The following VEPH1 variants were observed in gnomAD, a reference collection of about 807,000 sequenced individuals.
The protein encoded by VEPH1 is ventricular zone-expressed PH domain-containing protein homolog 1.
VEPH1 carries 80 observed loss-of-function variants against 85.2 expected under a neutral mutation model. The ratio of observed to expected loss-of-function variants is 0.94; its 90% CI spans 0.78 to 1.13. The LOEUF (loss-of-function observed/expected upper bound fraction) is 1.13, where lower values mean the gene tolerates loss of function less well. Among genes scored for constraint, VEPH1 ranks in the 50% most tolerant of loss-of-function variants. The pLI, the probability that VEPH1 is intolerant of heterozygous loss-of-function variation, is 0.00. For synonymous variants in VEPH1, 297 were observed against 348.0 expected (o/e 0.85, Z 1.63); for missense variants, 955 against 980.5 (o/e 0.97, Z 0.35).
At chr3:157,341,670 G>C (rs1451992470) in intron 9 of VEPH1, among the ~76,000 whole-genome samples, 2 of 152,290 alleles carry the variant, frequency 1.3e-5, no homozygotes, top group South Asian at 2.1e-4. Flanking sequence ...AGGAAATACA[G>C]AGAACGTGAC....
At chr3:157,478,256 G>A (rs1316469534) in intron 2 of VEPH1, among the ~76,000 whole-genome samples, 1 of 152,148 alleles carries the variant, frequency 6.6e-6, no homozygotes, top group African/African-American at 2.4e-5. Context: ...GTCCCTGTGA[G>A]AGATTAGTTG....
intron 4 of VEPH1, among the ~76,000 whole-genome samples, chr3:157,445,202 T>A (rs141277720): frequency 8.5e-4 from 129 of 152,368 alleles, no homozygotes; most frequent in Non-Finnish European, 1.5e-3. Flanking sequence ...TGAAGCCATC[T>A]AGCCAGCCCT....
intron 5 of VEPH1, among the ~76,000 whole-genome samples, chr3:157,418,288 A>G (rs981881731): frequency 6.6e-6 from 1 of 152,154 alleles, no homozygotes; most frequent in African/African-American, 2.4e-5. Context: ...GAATAGAGTT[A>G]GTCACTTCCT....
chr3:157,441,697 C>G (rs887469313), intron 4 of VEPH1, among the ~76,000 whole-genome samples: 1 of 151,826 alleles, frequency 6.6e-6, no homozygotes, highest in African/African-American at 2.4e-5. Context: ...GTAGTCCCAG[C>G]TACTCCGGAA....
chr3:157,398,398 G>T (rs1294249346), intron 6 of VEPH1, among the ~76,000 whole-genome samples: 1 of 152,212 alleles, frequency 6.6e-6, no homozygotes, highest in South Asian at 2.1e-4. Flanking sequence ...CACTTTGGGA[G>T]GCCGAGGCGT....
intron 7 of VEPH1, among the ~76,000 whole-genome samples, chr3:157,374,558 C>T (rs114556290): frequency 0.011 from 1,659 of 152,318 alleles, 34 homozygotes; most frequent in East Asian, 0.044. Context: ...GCTGTGAATA[C>T]TAGCTCTTCA....
At chr3:157,317,932 T>C (rs1479872559) in intron 9 of VEPH1, among the ~76,000 whole-genome samples, 1 of 152,242 alleles carries the variant, frequency 6.6e-6, no homozygotes, top group African/African-American at 2.4e-5. Context: ...GTTATGTGTT[T>C]GACTTCATTT....
intron 4 of VEPH1, chr3:157,436,890 T>A (rs1235736216): frequency 1.9e-6 from 3 of 1,600,892 alleles, no homozygotes. Context: ...CACTTGAGAG[T>A]CTCCTCCCGC....
At chr3:157,341,373 C>T (rs1334508642) in intron 9 of VEPH1, among the ~76,000 whole-genome samples, 4 of 152,158 alleles carry the variant, frequency 2.6e-5, no homozygotes, top group East Asian at 1.9e-4. Context: ...AACTATATGA[C>T]GAATGCACAA....
At chr3:157,346,395 A>C (rs1459326051) in intron 9 of VEPH1, among the ~76,000 whole-genome samples, 1 of 152,214 alleles carries the variant, frequency 6.6e-6, no homozygotes, top group African/African-American at 2.4e-5. Context: ...TAGCAATAGT[A>C]ATGCTTAACT....
intron 11 of VEPH1, among the ~76,000 whole-genome samples, chr3:157,294,421 C>A (rs1428111537): frequency 2.0e-5 from 3 of 152,124 alleles, no homozygotes; most frequent in Admixed American, 6.5e-5. Context: ...GCTGTGAACC[C>A]TATTTGGTTT....
At chr3:157,470,240 G>T (rs1736796498) in intron 3 of VEPH1, 74 bp downstream of exon 3, 6 of 1,370,752 alleles carry the variant, frequency 4.4e-6, no homozygotes, top group East Asian at 2.3e-5. Flanking sequence ...ATTGGCTCTT[G>T]GTTCACAGAC....
chr3:157,464,036 G>A (rs1736136201), intron 3 of VEPH1, among the ~76,000 whole-genome samples: 1 of 152,166 alleles, frequency 6.6e-6, no homozygotes, highest in Non-Finnish European at 1.5e-5. Flanking sequence ...ACAACATTGA[G>A]CATCCTCTTT....
chr3:157,326,102 T>C (rs924950191), intron 9 of VEPH1, among the ~76,000 whole-genome samples: 5 of 152,174 alleles, frequency 3.3e-5, no homozygotes, highest in Non-Finnish European at 5.9e-5. Flanking sequence ...TAATTGTGAA[T>C]GGGAGTTCAT....
At chr3:157,341,810 G>A (rs1723594559) in intron 9 of VEPH1, among the ~76,000 whole-genome samples, 1 of 152,050 alleles carries the variant, frequency 6.6e-6, no homozygotes, top group Non-Finnish European at 1.5e-5. Flanking sequence ...AAGCCCATCA[G>A]ACTAACAGCT....
intron 12 of VEPH1, among the ~76,000 whole-genome samples, chr3:157,280,253 A>T (rs1715931532): frequency 6.6e-6 from 1 of 152,124 alleles, no homozygotes. Context: ...AAACTAATGT[A>T]CTCACATTAG....
intron 4 of VEPH1, among the ~76,000 whole-genome samples, chr3:157,432,580 C>T (rs576386487): frequency 6.0e-4 from 91 of 152,104 alleles, no homozygotes; most frequent in Non-Finnish European, 1.1e-3. Flanking sequence ...TGCCACACCT[C>T]TTTCATATAT....
intron 5 of VEPH1, among the ~76,000 whole-genome samples, chr3:157,427,077 TC>T (rs1248794599): frequency 6.6e-6 from 1 of 151,974 alleles, no homozygotes; most frequent in Non-Finnish European, 1.5e-5. Flanking sequence ...AACCTTCGTC[TC>T]CCAAGTTCAA....
chr3:157,309,070 T>C (rs1719821049), intron 11 of VEPH1, among the ~76,000 whole-genome samples: 1 of 152,080 alleles, frequency 6.6e-6, no homozygotes, highest in Non-Finnish European at 1.5e-5. Flanking sequence ...TTCTGTCTTG[T>C]GTTCTATTTG....
Sources: allele counts gnomAD v4.1 joint callset (sites outside exome capture counted in the v4.1 genomes callset), GRCh38; gene constraint gnomAD v4.1.1; transcripts MANE v1.5; gene names NCBI Gene and HGNC (gene_info 2026-07-23, HGNC 2026-07-21).